Variants in LEPR observed in about 807,000 individuals in gnomAD.
LEPR encodes leptin receptor, also known as OB receptor.
A neutral mutation model predicts 114.7 loss-of-function variants in LEPR; 56 were observed. That is an observed-to-expected ratio of 0.49 (90% CI 0.39 to 0.61). The LOEUF (loss-of-function observed/expected upper bound fraction) is 0.61, where lower values mean the gene tolerates loss of function less well. Among genes scored for constraint, LEPR ranks in the 20% least tolerant of loss-of-function variants. The pLI, the probability that LEPR is intolerant of heterozygous loss-of-function variation, is 0.00. For synonymous variants in LEPR, 443 were observed against 461.4 expected (o/e 0.96, Z 0.51); for missense variants, 1,202 against 1,352.9 (o/e 0.89, Z 1.75).
intron 5 of LEPR, among the ~76,000 whole-genome samples, chr1:65,575,789 A>G (rs556161798): frequency 1.3e-5 from 2 of 151,610 alleles, no homozygotes; most frequent in South Asian, 2.1e-4. Flanking sequence ...GAGTTTTGTC[A>G]TTGTGTACAA....
intron 2 of LEPR, among the ~76,000 whole-genome samples, chr1:65,477,329 A>T (rs1647170843): frequency 6.6e-6 from 1 of 152,210 alleles, no homozygotes; most frequent in Non-Finnish European, 1.5e-5. Flanking sequence ...CCATAAGGGC[A>T]GAGATTTTTG....
At chr1:65,545,798 G>A (rs1335038123) in intron 2 of LEPR, among the ~76,000 whole-genome samples, 3 of 151,816 alleles carry the variant, frequency 2.0e-5, no homozygotes, top group Non-Finnish European at 4.4e-5. Context: ...CTGTGCAGAA[G>A]CTCTTTAGTT....
At position 65,601,616 on chromosome 1, in the gene LEPR, T is replaced by C; in HGVS notation, c.1219T>C (p.Tyr407His). 1.9e-6 allele frequency: 3 copies of C among 1,613,732 alleles called. No individual in the cohort carries two copies. The highest frequency in any genetic ancestry group is 2.5e-6 in the Non-Finnish European group (3 of 1,179,742). The change falls in exon 9 of 20, where the codon TAT (tyrosine) becomes CAT (histidine). Residue 407 changes from tyrosine to histidine, a missense_variant. Tyr to His is a moderately conservative substitution (Grantham distance 83). Transcript: ENST00000349533. ...AACCAAACCTCGAGGAAAGTTTACC[T>C]ATGATGCAGTGTACTGCTGCAATGA... ...NETKPRGKFT[Y>H]DAVYCCNEHE...
At chr1:65,594,518 T>C (rs1570774234) in intron 6 of LEPR, among the ~76,000 whole-genome samples, 1 of 151,986 alleles carries the variant, frequency 6.6e-6, no homozygotes, top group East Asian at 1.9e-4. Flanking sequence ...AATTTAGACC[T>C]GAGCATCTAG....
chr1:65,549,139 C>G (rs1652054226), intron 2 of LEPR, among the ~76,000 whole-genome samples: 1 of 151,460 alleles, frequency 6.6e-6, no homozygotes, highest in Non-Finnish European at 1.5e-5. Flanking sequence ...TATTGGTCCC[C>G]ACTCTCTTCT....
chr1:65,641,159 T>C lies in LEPR; in HGVS notation c.*4144T>C, dbSNP rs1232687123. ...TTTTGGAAAGCTGCTGAAAATGTCT[T>C]TTTCAAAATTAATTATGCTTAAGAT... On this transcript the variant is annotated 3_prime_UTR_variant, in exon 20 of 20. Transcript: ENST00000349533. 2.0e-5 allele frequency: 3 copies of C among 152,322 alleles called. No individual in the cohort carries two copies. The East Asian group carries it at 5.8e-4, about 29-fold the overall frequency. 9.4% of individuals were successfully genotyped at this position (152,322 alleles called of 1,614,324 possible).
At chr1:65,544,192 T>G (rs191303753) in intron 2 of LEPR, among the ~76,000 whole-genome samples, 8 of 151,672 alleles carry the variant, frequency 5.3e-5, no homozygotes, top group Non-Finnish European at 1.2e-4. Flanking sequence ...TATTTTATTC[T>G]CTTTGTAGCA....
chr1:65,606,108 TTAATA>T (rs1369353838), intron 11 of LEPR, among the ~76,000 whole-genome samples: 1 of 152,156 alleles, frequency 6.6e-6, no homozygotes, highest in Admixed American at 6.5e-5. Context: ...TTTCAATTAA[TTAATA>T]CACATTTGAA....
Position 65,639,634 on chromosome 1 carries a change from T to C in LEPR, c.*2619T>C, listed in dbSNP as rs1658811509. ...GGAGGAGCTGAAATAGGGGCTATGG[T>C]CTTTTAAACTTATAAATCTGGAATT... On this transcript the variant is annotated 3_prime_UTR_variant, in exon 20 of 20. Coordinates refer to ENST00000349533, the MANE Select transcript of LEPR (RefSeq NM_002303.6). 6.6e-6 allele frequency: 1 copy of C among 152,206 alleles called. No homozygotes were observed. Among genetic ancestry groups the C allele is most frequent in the African/African-American group, 2.4e-5 (1 of 41,444 alleles). 9.4% of individuals were successfully genotyped at this position (152,206 alleles called of 1,614,324 possible).
In LEPR at chr1:65,633,135, T is replaced by G; in HGVS notation, c.2674-3056T>G. On this transcript the variant is annotated intron_variant, in intron 19 of 19. Transcript: ENST00000349533. This position sits in a 1 kb window ranked among gnomAD's most constrained non-coding sequence, Gnocchi z 4.1. ...TTTTATTTTGCTTTCTTATTTTGTTTTATTTTATCTAAACAGAGAACGGAC... is the reference window on the plus strand; with the variant it reads ...TTTTATTTTGCTTTCTTATTTTGTTGTATTTTATCTAAACAGAGAACGGAC... The G allele has an allele frequency of 6.5e-7, 1 of 1,532,678 alleles. No individual in the cohort carries two copies. The highest frequency in any genetic ancestry group is 9.0e-7 in the Non-Finnish European group (1 of 1,109,664). 94.9% of individuals were successfully genotyped at this position (1,532,678 alleles called of 1,614,324 possible).
At chr1:65,572,711 A>G (rs1025643242) in intron 5 of LEPR, among the ~76,000 whole-genome samples, 3 of 152,164 alleles carry the variant, frequency 2.0e-5, no homozygotes, top group African/African-American at 7.2e-5. Context: ...TCTAGCTCAC[A>G]CTGAGGTCCG....
chr1:65,431,783 C>G (rs369812689), intron 2 of LEPR: 4 of 1,606,112 alleles, frequency 2.5e-6, no homozygotes, highest in Non-Finnish European at 3.4e-6. Context: ...GGATTTAATC[C>G]TTCTTTTCTT....
intron 5 of LEPR, among the ~76,000 whole-genome samples, chr1:65,578,746 T>C (rs931146146): frequency 5.3e-5 from 8 of 151,990 alleles, no homozygotes; most frequent in African/African-American, 1.9e-4. Flanking sequence ...TATAAAATAA[T>C]AGGGGGAAGG....
intron 2 of LEPR, among the ~76,000 whole-genome samples, chr1:65,427,081 C>T (rs1456575935): frequency 6.6e-6 from 1 of 152,056 alleles, no homozygotes; most frequent in African/African-American, 2.4e-5. Context: ...AATCCATCAC[C>T]GCAGTCCTGG....
At chr1:65,570,123 A>G (rs1228366151) in intron 3 of LEPR, among the ~76,000 whole-genome samples, 1 of 152,228 alleles carries the variant, frequency 6.6e-6, no homozygotes, top group Non-Finnish European at 1.5e-5. Context: ...TATCATTTAT[A>G]ATGGAAGCTA....
chr1:65,440,933 A>G (rs1350685274), intron 2 of LEPR, among the ~76,000 whole-genome samples: 4 of 152,252 alleles, frequency 2.6e-5, no homozygotes, highest in Non-Finnish European at 5.9e-5. Context: ...AGAACAACAA[A>G]TCACAGAAAA....
intron 2 of LEPR, among the ~76,000 whole-genome samples, chr1:65,438,851 A>G (rs1009392295): frequency 3.3e-5 from 5 of 152,188 alleles, no homozygotes; most frequent in Admixed American, 6.5e-5. Context: ...TGTATTTTAG[A>G]TAACCCAAGT....
At chr1:65,469,531 G>C (rs1009462101) in intron 2 of LEPR, among the ~76,000 whole-genome samples, 3 of 152,170 alleles carry the variant, frequency 2.0e-5, no homozygotes, top group Non-Finnish European at 4.4e-5. Context: ...TCTCTTGAAG[G>C]AGTACAGGGC....
At chr1:65,501,454 A>ACCTTGTGTTTTCCT (rs1380232395) in intron 2 of LEPR, among the ~76,000 whole-genome samples, 1 of 150,406 alleles carries the variant, frequency 6.6e-6, no homozygotes, top group East Asian at 2.0e-4. Flanking sequence ...AAGGAGGAAA[A>ACCTTGTGTTTTCCT]CCTTGTGTCT....
Sources: gnomAD v4.1 joint callset for allele counts (sites outside exome capture counted in the v4.1 genomes callset) on GRCh38, gnomAD v4.1.1 for gene constraint, Gnocchi (gnomAD v3.1) non-coding constraint, MANE v1.5 for transcripts, NCBI Gene and HGNC (gene_info 2026-07-23, HGNC 2026-07-21) for gene names.